The following PKHD1L1 variants were observed in gnomAD, a reference collection of about 807,000 sequenced individuals.
PKHD1L1 encodes the protein PKHD1 like 1.
PKHD1L1 carries 434 observed loss-of-function variants against 462.9 expected under a neutral mutation model. The observed-to-expected ratio is 0.94, with a 90% CI of 0.87 to 1.02. The LOEUF (loss-of-function observed/expected upper bound fraction) is 1.02, where lower values mean the gene tolerates loss of function less well. PKHD1L1 is among the 50% of genes least tolerant of loss of function. The pLI, the probability that PKHD1L1 is intolerant of heterozygous loss-of-function variation, is 0.00. For missense variants in PKHD1L1, 5,202 were observed against 5,096.1 expected, an observed-to-expected ratio of 1.02 and a Z score of -0.63; for synonymous variants, 1,781 against 1,750.0, an observed-to-expected ratio of 1.02 and a Z score of -0.44.
intron 43 of PKHD1L1, among the ~76,000 whole-genome samples, 192 bp from the exon 44 acceptor site, chr8:109,453,975 T>A (rs551893129): frequency 2.0e-4 from 31 of 152,184 alleles, no homozygotes; most frequent in Admixed American, 1.3e-3. Context: ...TTGTCTGGAG[T>A]TTTTATGCTT....
intron 30 of PKHD1L1, 118 bp downstream of exon 30, chr8:109,436,577 T>C: frequency 6.8e-7 from 1 of 1,465,800 alleles, no homozygotes; most frequent in Non-Finnish European, 9.0e-7. Flanking sequence ...AACTGCAGGG[T>C]TTCTATTATG....
intron 14 of PKHD1L1, among the ~76,000 whole-genome samples, chr8:109,402,659 C>A (rs1813331799): frequency 6.6e-6 from 1 of 152,166 alleles, no homozygotes. Context: ...GTGGCCAAGC[C>A]TAGACTCAAG....
At position 109,466,675 on chromosome 8, in the gene PKHD1L1, C is replaced by G; in HGVS notation, c.8511C>G (p.Val2837=). ...GGAGCATTGGGTTCCCTGGATCAGT[C>G]TGTGATGCTTCAGTCAGCTTTCACC... ...AEWSIGFPGS[V]CDASVSFHRL... is the part of the protein sequence containing the mutation. The change falls in exon 50 of 78, where the codon GTC becomes GTG. Residue 2837 remains valine, a synonymous_variant. Coordinates refer to ENST00000378402, the MANE Select transcript of PKHD1L1 (RefSeq NM_177531.6). 6.2e-7 allele frequency: 1 copy of G among 1,612,134 alleles called. No homozygotes were observed.
intron 7 of PKHD1L1, 43 bp from the exon 8 acceptor site, chr8:109,389,036 T>C: frequency 7.9e-7 from 1 of 1,259,268 alleles, no homozygotes; most frequent in Non-Finnish European, 1.1e-6. Context: ...TTCTAAAATT[T>C]TAGTGTCTAT....
At position 109,534,550 on chromosome 8, in the gene PKHD1L1, C is replaced by T. The variant is rs541415023; in HGVS notation, c.*4460C>T. On this transcript the variant is annotated 3_prime_UTR_variant, in exon 78 of 78. Transcript: ENST00000378402. ...TACCAAAACAGTGGGAGAGTCTTGC[C>T]CTTTTTCTAAGATCATCAGTGGGCA... 6.6e-6 allele frequency among the ~76,000 whole-genome samples: 1 copy of T among 152,170 alleles called. No homozygotes were observed. Among genetic ancestry groups the T allele is most frequent in the Non-Finnish European group, 1.5e-5 (1 of 67,984 alleles).
At chr8:109,371,821 C>G (rs567662485) in intron 2 of PKHD1L1, among the ~76,000 whole-genome samples, 1 of 144,404 alleles carries the variant, frequency 6.9e-6, no homozygotes, top group African/African-American at 2.6e-5. Context: ...TGTAGATATG[C>G]GGCATTATTT....
intron 56 of PKHD1L1, among the ~76,000 whole-genome samples, chr8:109,482,451 T>A (rs547410316): frequency 5.5e-4 from 83 of 151,884 alleles, no homozygotes; most frequent in African/African-American, 1.8e-3. Flanking sequence ...TAGTTAAAAA[T>A]TTTTTGTGTG....
At chr8:109,437,158 C>A (rs1337788067) in intron 30 of PKHD1L1, among the ~76,000 whole-genome samples, 1 of 152,120 alleles carries the variant, frequency 6.6e-6, no homozygotes, top group East Asian at 1.9e-4. Flanking sequence ...TTGTGATCCA[C>A]CCCCCTCAGC....
At chr8:109,459,896 G>T (rs1817026380) in intron 47 of PKHD1L1, 60 bp downstream of exon 47, 5 of 1,421,530 alleles carry the variant, frequency 3.5e-6, no homozygotes, top group African/African-American at 2.9e-5. Flanking sequence ...CAATTTAATT[G>T]GTTTATATTG....
rs988016551 is a variant in PKHD1L1, at chr8:109,534,725, G to A, written c.*4635G>A. Among the ~76,000 whole-genome samples the A allele has an allele frequency of 3.9e-5, 6 of 152,168 alleles. No individual in the cohort carries two copies. The highest frequency in any genetic ancestry group is 9.7e-5 in the African/African-American group (4 of 41,434). On this transcript the variant is annotated 3_prime_UTR_variant, in exon 78 of 78. Transcript: ENST00000378402. The stretch of plus-strand genomic sequence containing the variant: ...CAAATAGGAAAAGTCTGCCACAGGG[G>A]ACACAGTAGGTACTTGAATACTTGT...
In PKHD1L1 at chr8:109,420,664, C is replaced by T. The variant is rs1235717261; in HGVS notation, c.2671C>T (p.Pro891Ser). Residue 891 changes from proline to serine, a missense_variant, in exon 23 of 78, where the codon CCC becomes TCC. Pro to Ser is a moderately conservative substitution (Grantham distance 74). This residue lies in a region of PKHD1L1 where 4,497 missense variants were observed against 4,336.8 expected (regional missense o/e 1.04). Transcript: ENST00000378402. ...TTCATACAATTGCAGTTACAATATA[C>T]CCATGATGGCTGTGAGCTTTGGGCA... The part of the protein sequence containing the change: ...MTSYNCSYNI[P>S]MMAVSFGQII... 6.3e-7 allele frequency: 1 copy of T among 1,588,966 alleles called. No individual in the cohort carries two copies. Among genetic ancestry groups the T allele is most frequent in the Non-Finnish European group, 8.5e-7 (1 of 1,170,458 alleles).
In PKHD1L1 at chr8:109,427,025, G is replaced by GCAGATCTGCAGTTTGCACTC; in HGVS notation, c.2874_2893dup (p.Ser965IlefsTer56). ...AGGCCTCCCCGCTGCTGTGTCAGCT[G>GCAGATCTGCAGTTTGCACTC]CAGATCTGCAGTTTGCACTCCAGAG... On this transcript the variant is annotated frameshift_variant, in exon 25 of 78. Transcript: ENST00000378402. LOFTEE classifies it high-confidence loss of function. 6.3e-7 allele frequency: 1 copy of GCAGATCTGCAGTTTGCACTC among 1,593,492 alleles called. No homozygotes were observed. Among genetic ancestry groups the GCAGATCTGCAGTTTGCACTC allele is most frequent in the South Asian group, 1.1e-5 (1 of 90,646 alleles).
chr8:109,409,318 C>T (rs966342405), intron 18 of PKHD1L1, among the ~76,000 whole-genome samples: 2 of 151,896 alleles, frequency 1.3e-5, no homozygotes, highest in African/African-American at 2.4e-5. Context: ...GTGTGATCTC[C>T]ACTCACTGCA....
At chr8:109,515,144 T>G (rs1326223652) in intron 71 of PKHD1L1, 26 bp from the exon 72 acceptor site, 1 of 1,484,962 alleles carries the variant, frequency 6.7e-7, no homozygotes, top group Non-Finnish European at 9.1e-7. Flanking sequence ...TTTGTTGCTT[T>G]CTTAAAACTT....
chr8:109,393,914 C>T (rs953056068), intron 9 of PKHD1L1, among the ~76,000 whole-genome samples: 2 of 151,990 alleles, frequency 1.3e-5, no homozygotes, highest in African/African-American at 2.4e-5. Context: ...CGGTGGCTCA[C>T]GCCTGTAATC....
chr8:109,534,216 A>G lies in PKHD1L1; in HGVS notation c.*4126A>G, dbSNP rs886166211. Among the ~76,000 whole-genome samples the G allele has an allele frequency of 8.5e-5, 13 of 152,332 alleles. No homozygotes were observed. The highest frequency in any genetic ancestry group is 3.1e-4 in the African/African-American group (13 of 41,572). On this transcript the variant is annotated 3_prime_UTR_variant, in exon 78 of 78. Coordinates refer to ENST00000378402, the MANE Select transcript of PKHD1L1 (RefSeq NM_177531.6). ...AGTGGCTCACGCCTGTAATCCCAGCACTCTGGGAGGCCAAGGCAGGCGGAT... is the reference window on the plus strand; with the variant it reads ...AGTGGCTCACGCCTGTAATCCCAGCGCTCTGGGAGGCCAAGGCAGGCGGAT...
At chr8:109,405,652 A>G (rs1219601411) in intron 16 of PKHD1L1, among the ~76,000 whole-genome samples, 1 of 151,230 alleles carries the variant, frequency 6.6e-6, no homozygotes, top group Non-Finnish European at 1.5e-5. Flanking sequence ...ACACATGGAC[A>G]CAGGGAGGGG....
Position 109,490,026 on chromosome 8 carries a change from T to C in PKHD1L1, c.9955T>C (p.Tyr3319His). 6.2e-7 allele frequency: 1 copy of C among 1,605,416 alleles called. No individual in the cohort carries two copies. Among genetic ancestry groups the C allele is most frequent in the South Asian group, 1.1e-5 (1 of 90,498 alleles). Residue 3319 changes from tyrosine to histidine, a missense_variant, in exon 60 of 78, where the codon TAT becomes CAT. By Grantham distance (83) the Tyr-to-His change is moderately conservative. Coordinates refer to ENST00000378402, the MANE Select transcript of PKHD1L1 (RefSeq NM_177531.6). ...EGFRDSTDPR[Y>H]AVTFLNLGQI... is the part of the protein sequence containing the mutation. ...CTTCAGGGATAGCACAGATCCAAGA[T>C]ATGCTGTAACGTTTCTTAACCTAGG...
intron 49 of PKHD1L1, 139 bp downstream of exon 49, chr8:109,465,384 A>T (rs1817384678): frequency 1.1e-6 from 1 of 920,904 alleles, no homozygotes; most frequent in African/African-American, 1.7e-5. Context: ...TAAATGATAG[A>T]GGCAAGCACC....
Sources: gnomAD v4.1 joint callset for allele counts (sites outside exome capture counted in the v4.1 genomes callset) on GRCh38, gnomAD v4.1.1 for gene constraint, gnomAD v4.1.1 regional missense constraint, MANE v1.5 for transcripts, NCBI Gene and HGNC (gene_info 2026-07-23, HGNC 2026-07-21) for gene names.